Variants in ATP1A2 observed in about 807,000 individuals in gnomAD.
The protein encoded by ATP1A2 is ATPase Na+/K+ transporting subunit alpha 2, also known as sodium/potassium-transporting ATPase subunit alpha-2.
ATP1A2 carries 56 observed loss-of-function variants against 113.1 expected under a neutral mutation model. The observed-to-expected ratio is 0.49, with a 90% CI of 0.40 to 0.62. The LOEUF (loss-of-function observed/expected upper bound fraction) is 0.62, where lower values mean the gene tolerates loss of function less well. ATP1A2 is among the 20% of genes least tolerant of loss of function. The probability of loss-of-function intolerance (pLI) is 0.00; values close to 1 mark genes in which losing one functional copy is unlikely to be tolerated. For missense variants in ATP1A2, 712 were observed against 1,357.8 expected (o/e 0.52, Z 7.47); for synonymous variants, 490 against 526.8 (o/e 0.93, Z 0.96).
intron 20 of ATP1A2, among the ~76,000 whole-genome samples, chr1:160,139,438 T>A (rs1652062106): frequency 6.6e-6 from 1 of 152,150 alleles, no homozygotes; most frequent in Admixed American, 6.5e-5. Flanking sequence ...ATAGACAACA[T>A]TCGGACGTAA....
At chr1:160,131,443 T>C (rs536491915) in intron 13 of ATP1A2, among the ~76,000 whole-genome samples, 36 of 152,302 alleles carry the variant, frequency 2.4e-4, no homozygotes, top group African/African-American at 8.7e-4. Flanking sequence ...TTAACTATCA[T>C]ACCAGGAGAC....
chr1:160,125,294 C>T (rs747606481), intron 7 of ATP1A2, 41 bp downstream of exon 7: 1 of 1,544,292 alleles, frequency 6.5e-7, no homozygotes, highest in Non-Finnish European at 9.0e-7. Context: ...GAGTCTGAAT[C>T]CTGAATCCAT....
At chr1:160,124,572 C>T in intron 6 of ATP1A2, 142 bp downstream of exon 6, 2 of 1,313,970 alleles carry the variant, frequency 1.5e-6, no homozygotes, top group Non-Finnish European at 2.1e-6. Context: ...TAAACCTTCT[C>T]TCAGTGTGGG....
chr1:160,130,384 C>T, intron 12 of ATP1A2, 38 bp from the exon 13 acceptor site: 1 of 1,614,206 alleles, frequency 6.2e-7, no homozygotes, highest in Non-Finnish European at 8.5e-7. Context: ...CAGGAAGCCA[C>T]TCTGCGGATC....
At chr1:160,121,156 C>A in intron 2 of ATP1A2, 36 bp from the exon 3 acceptor site, 1 of 1,612,954 alleles carries the variant, frequency 6.2e-7, no homozygotes, top group Non-Finnish European at 8.5e-7. Flanking sequence ...ATCTTAGATA[C>A]CTCCTCCCCA....
At chr1:160,118,661 C>T (rs113716378) in intron 1 of ATP1A2, among the ~76,000 whole-genome samples, 2 of 152,196 alleles carry the variant, frequency 1.3e-5, no homozygotes, top group African/African-American at 4.8e-5. Flanking sequence ...TTACTGGTCA[C>T]CTTTTCTGAG....
rs1651901875 is a variant in ATP1A2 at position 160,135,332 on chromosome 1, A to T, written c.2115+37A>T. The stretch of plus-strand genomic sequence containing the variant: ...CACGGGAGGCAGATGACAGGCAGGG[A>T]CCGGGGAGGCAGGGACAGGGCCAAG... On this transcript the variant is annotated intron_variant, in intron 15 of 22. Coordinates refer to ENST00000361216, the MANE Select transcript of ATP1A2 (RefSeq NM_000702.4). The surrounding 1 kb of genome is among the most constrained non-coding windows in gnomAD (Gnocchi z 6.3). 1 of 1,614,006 alleles carries T rather than the reference A, an allele frequency of 6.2e-7. No individual in the cohort carries two copies. The highest frequency in any genetic ancestry group is 1.1e-5 in the South Asian group (1 of 91,092).
In ATP1A2 at chr1:160,127,730, C is replaced by T; in HGVS notation, c.927C>T (p.Leu309=). 2 of 1,614,244 alleles carry T rather than the reference C, an allele frequency of 1.2e-6. No individual in the cohort carries two copies. Among genetic ancestry groups the T allele is most frequent in the Non-Finnish European group, 8.5e-7 (1 of 1,180,040 alleles). Residue 309 remains leucine, a synonymous_variant, in exon 8 of 23, where the codon CTC becomes CTT. Coordinates refer to ENST00000361216, the MANE Select transcript of ATP1A2 (RefSeq NM_000702.4). ...GGGTCTCCTTCTTCGTGCTCTCCCT[C>T]ATCCTGGGCTACAGCTGGCTGGAGG... ...FLGVSFFVLS[L]ILGYSWLEAV... is the part of the protein sequence containing the mutation.
At chr1:160,127,865 C>G in intron 8 of ATP1A2, 45 bp downstream of exon 8, 1 of 1,542,804 alleles carries the variant, frequency 6.5e-7, no homozygotes, top group Non-Finnish European at 8.7e-7. Flanking sequence ...GGTCTCACTA[C>G]TCTTTCCTCA....
chr1:160,123,880 TG>T, intron 4 of ATP1A2, 62 bp from the exon 5 acceptor site: 1 of 1,449,708 alleles, frequency 6.9e-7, no homozygotes. Context: ...TCATCCCAAG[TG>T]GCAGCTGCCC....
chr1:160,126,542 T>C (rs778448380), intron 7 of ATP1A2, among the ~76,000 whole-genome samples: 1 of 152,152 alleles, frequency 6.6e-6, no homozygotes, highest in Non-Finnish European at 1.5e-5. Flanking sequence ...CAATCACAGC[T>C]CACTGCAGCC....
chr1:160,124,832 T>C (rs539883478), intron 6 of ATP1A2, among the ~76,000 whole-genome samples: 2 of 152,318 alleles, frequency 1.3e-5, no homozygotes, highest in East Asian at 3.9e-4. Flanking sequence ...ACAGTGTTAG[T>C]GTCTCCCCCT....
At chr1:160,125,431 G>A in intron 7 of ATP1A2, 178 bp downstream of exon 7, 3 of 628,604 alleles carry the variant, frequency 4.8e-6, no homozygotes, top group Non-Finnish European at 8.6e-6. Context: ...TTGACTGAGG[G>A]CAGCCTGACT....
intron 20 of ATP1A2, among the ~76,000 whole-genome samples, chr1:160,138,885 A>C (rs1285135656): frequency 1.3e-5 from 2 of 152,170 alleles, no homozygotes; most frequent in African/African-American, 4.8e-5. Context: ...CTGTCACTGA[A>C]CATTTCAGTG....
chr1:160,116,878 C>A (rs532458697), intron 1 of ATP1A2, among the ~76,000 whole-genome samples: 3 of 152,176 alleles, frequency 2.0e-5, no homozygotes, highest in Admixed American at 6.5e-5. Context: ...AAATCCTGAG[C>A]CTGGACACCA....
rs1021718735 is a variant in ATP1A2, at chr1:160,123,185, G to T, written c.178-28G>T. 7 of 1,613,126 alleles carry T rather than the reference G, an allele frequency of 4.3e-6. No individual in the cohort carries two copies. The African/African-American group carries it at 9.3e-5, about 22-fold the overall frequency. On this transcript the variant is annotated intron_variant, in intron 3 of 22. Coordinates refer to ENST00000361216, the MANE Select transcript of ATP1A2 (RefSeq NM_000702.4). ...CTGGCTGGGTTGGCTCCGGATGCGT[G>T]CCCCTACGCCTCTCCTTGCTCCCTC... is the stretch of plus-strand genomic sequence containing the variant.
At chr1:160,122,158 T>A (rs1651421011) in intron 3 of ATP1A2, among the ~76,000 whole-genome samples, 1 of 152,078 alleles carries the variant, frequency 6.6e-6, no homozygotes, top group African/African-American at 2.4e-5. Flanking sequence ...CAGACAAATA[T>A]TTAGTGGGTG....
Position 160,127,654 on chromosome 1 carries a change from T to C in ATP1A2, c.851T>C (p.Met284Thr), listed in dbSNP as rs1412392121. 1 of 1,614,236 alleles carries C rather than the reference T, an allele frequency of 6.2e-7. No individual in the cohort carries two copies. Among genetic ancestry groups the C allele is most frequent in the East Asian group, 2.2e-5 (1 of 44,892 alleles). Residue 284 changes from methionine (M) to threonine (T), a missense_variant, in exon 8 of 23, where the codon ATG (methionine) becomes ACG (threonine). Met to Thr is a moderately conservative substitution (Grantham distance 81). This residue lies in a region of ATP1A2 where 99 missense variants were observed against 180.4 expected (regional missense o/e 0.55). Transcript: ENST00000361216. The stretch of plus-strand genomic sequence containing the variant: ...GAGGTTGGGCGGACACCCATAGCAA[T>C]GGAGATTGAACACTTCATCCAGCTG... ...GLEVGRTPIA[M>T]EIEHFIQLIT...
intron 11 of ATP1A2, among the ~76,000 whole-genome samples, chr1:160,129,679 C>T (rs1040759440): frequency 1.3e-4 from 20 of 152,184 alleles, no homozygotes; most frequent in Non-Finnish European, 7.3e-5. Context: ...CTCTTCTACC[C>T]CAGTCAGTGA....
Sources: allele counts gnomAD v4.1 joint callset (sites outside exome capture counted in the v4.1 genomes callset), GRCh38; gene constraint gnomAD v4.1.1; regional missense constraint gnomAD v4.1.1; non-coding constraint Gnocchi (gnomAD v3.1); transcripts MANE v1.5; gene names NCBI Gene and HGNC (gene_info 2026-07-23, HGNC 2026-07-21).